TMEM74: variants seen among roughly 807,000 people sequenced by gnomAD.
The protein encoded by TMEM74 is transmembrane protein 74.
A neutral mutation model predicts 18.1 loss-of-function variants in TMEM74; 13 were observed. That is an observed-to-expected ratio of 0.72 (90% CI 0.47 to 1.14). TMEM74 has a LOEUF of 1.14. Ranked by LOEUF, TMEM74 falls within the 50% of genes most tolerant of loss-of-function variation. The pLI is 0.00. For missense variants in TMEM74, 372 were observed against 375.9 expected (o/e 0.99, Z 0.09); for synonymous variants, 159 against 146.6 (o/e 1.08, Z -0.61).
At chr8:108,704,681 A>T (rs774887059) in intron 1 of TMEM74, among the ~76,000 whole-genome samples, 2 of 152,226 alleles carry the variant, frequency 1.3e-5, no homozygotes, top group Non-Finnish European at 2.9e-5. Context: ...ATTGGAGAAG[A>T]CAGAAAAGTA....
At chr8:108,755,529 C>T (rs1333755470) in intron 1 of TMEM74, among the ~76,000 whole-genome samples, 2 of 152,080 alleles carry the variant, frequency 1.3e-5, no homozygotes, top group East Asian at 1.9e-4. Context: ...GGACATTTTA[C>T]GCTGTAAGAA....
In TMEM74 at chr8:108,637,965, C is replaced by A. The variant is rs146808051; in HGVS notation, n.264+17328G>T. Among the ~76,000 whole-genome samples the A allele has an allele frequency of 2.1e-3, 327 of 152,186 alleles. 1 individual carries two copies. The highest frequency in any genetic ancestry group is 7.6e-3 in the African/African-American group (315 of 41,558). Reference sequence around the variant, plus strand: ...TGGGAAGAAAATTTTTTGGTGTTCTCCTAACAGATAGGCTGATTGTGTGTT... The same window carrying A: ...TGGGAAGAAAATTTTTTGGTGTTCTACTAACAGATAGGCTGATTGTGTGTT... On this transcript the variant is annotated intron_variant and non_coding_transcript_variant, in intron 2 of 3. Transcript: ENST00000518838.
chr8:108,680,253 T>C (rs1813098693), intron 1 of TMEM74, among the ~76,000 whole-genome samples: 1 of 152,172 alleles, frequency 6.6e-6, no homozygotes, highest in African/African-American at 2.4e-5. Flanking sequence ...TGAACATTGA[T>C]GCAAAAATCC....
intron 1 of TMEM74, among the ~76,000 whole-genome samples, chr8:108,721,851 T>C (rs545953669): frequency 1.3e-5 from 2 of 152,344 alleles, no homozygotes; most frequent in South Asian, 4.1e-4. Flanking sequence ...TCTGCTTTTA[T>C]TTACCTTATA....
chr8:108,617,157 ATCATTGCGAAAAGAATT>A (rs1236800521), intron 2 of TMEM74, among the ~76,000 whole-genome samples: 1 of 151,914 alleles, frequency 6.6e-6, no homozygotes, highest in African/African-American at 2.4e-5. Context: ...ACTGAGGAGT[ATCATTGCGAAAAGAATT>A]TCATGCAAAC....
intron 1 of TMEM74, among the ~76,000 whole-genome samples, chr8:108,785,651 C>T (rs912936798): frequency 6.6e-6 from 1 of 152,158 alleles, no homozygotes; most frequent in Non-Finnish European, 1.5e-5. Context: ...TGGAGCATCA[C>T]CATCAGTGAA....
chr8:108,768,773 A>C (rs183230625), intron 1 of TMEM74, among the ~76,000 whole-genome samples: 83 of 152,246 alleles, frequency 5.5e-4, no homozygotes, highest in Middle Eastern at 6.8e-3. Flanking sequence ...TGTTTCCCTA[A>C]GGATCATGGA....
intron 2 of TMEM74, among the ~76,000 whole-genome samples, chr8:108,617,733 G>T (rs894638200): frequency 2.0e-5 from 3 of 151,928 alleles, no homozygotes; most frequent in African/African-American, 7.3e-5. Context: ...AGAGAAAGTG[G>T]GGGAATCAAG....
chr8:108,747,760 G>C (rs2130650572), intron 1 of TMEM74, among the ~76,000 whole-genome samples: 1 of 118,096 alleles, frequency 8.5e-6, no homozygotes, highest in African/African-American at 3.3e-5. Context: ...TTTCCCCCCT[G>C]TGTTCATGTG....
chr8:108,776,375 C>T (rs1814233943), downstream of TMEM74, among the ~76,000 whole-genome samples: 1 of 152,200 alleles, frequency 6.6e-6, no homozygotes, highest in African/African-American at 2.4e-5. Context: ...TGCCTGTAAT[C>T]CCAGCTACTG....
intron 1 of TMEM74, among the ~76,000 whole-genome samples, chr8:108,679,069 A>ACATG (rs1813085950): frequency 6.6e-6 from 1 of 152,104 alleles, no homozygotes; most frequent in Admixed American, 6.6e-5. Flanking sequence ...CCTACAAAGG[A>ACATG]CATGAACTCT....
chr8:108,701,498 G>T (rs149969050), intron 1 of TMEM74, among the ~76,000 whole-genome samples: 1 of 152,150 alleles, frequency 6.6e-6, no homozygotes, highest in East Asian at 1.9e-4. Context: ...AACAAAATCT[G>T]ATTTAACAAA....
intron 2 of TMEM74, among the ~76,000 whole-genome samples, chr8:108,644,882 C>T (rs1812701924): frequency 6.6e-6 from 1 of 152,054 alleles, no homozygotes; most frequent in Non-Finnish European, 1.5e-5. Context: ...GAAAAAAGGG[C>T]ATGCTTACAT....
rs182377404 is a variant in TMEM74 at position 108,766,208 on chromosome 8, C to T, written n.119+21268G>A. ...TTGGGGGTTATTTCTCCTTTCCTTCCTTCCTTCCTTCCTTCCTTTCTTCTT... is the reference window on the plus strand; with the variant it reads ...TTGGGGGTTATTTCTCCTTTCCTTCTTTCCTTCCTTCCTTCCTTTCTTCTT... On this transcript the variant is annotated intron_variant and non_coding_transcript_variant, in intron 1 of 3. Transcript: ENST00000518838. 3.3e-5 allele frequency among the ~76,000 whole-genome samples: 5 copies of T among 151,522 alleles called. No homozygotes were observed. The East Asian group carries it at 9.7e-4, about 29-fold the overall frequency.
intron 1 of TMEM74, among the ~76,000 whole-genome samples, chr8:108,758,192 C>A (rs534589216): frequency 1.3e-5 from 2 of 151,524 alleles, no homozygotes; most frequent in Admixed American, 1.3e-4. Flanking sequence ...TAAATAAAAC[C>A]ACAAAATAAA....
In TMEM74 at chr8:108,706,776, G is replaced by GGTGTGTGTGTGTGT. The variant is rs3049749; in HGVS notation, n.120-51353_120-51340dup. ...AACATTAGCTTCTAGAATTACAAGG[G>GGTGTGTGTGTGTGT]GTGTGTGTGTGTGTGTGTGTGTGTG... On this transcript the variant is annotated intron_variant and non_coding_transcript_variant, in intron 1 of 3. Transcript: ENST00000518838. Among the ~76,000 whole-genome samples, 1,272 of 144,942 alleles carry GGTGTGTGTGTGTGT rather than the reference G, an allele frequency of 8.8e-3. 7 individuals are homozygous for GGTGTGTGTGTGTGT. Among genetic ancestry groups the GGTGTGTGTGTGTGT allele is most frequent in the East Asian group, 0.014 (70 of 4,832 alleles).
intron 1 of TMEM74, 136 bp downstream of exon 1, chr8:108,787,340 C>G (rs1315796143): frequency 6.6e-6 from 1 of 152,160 alleles, no homozygotes; most frequent in Non-Finnish European, 1.5e-5. Context: ...CTGAGGCATT[C>G]GAGGTACGGA....
intron 1 of TMEM74, among the ~76,000 whole-genome samples, chr8:108,656,059 C>G (rs377739191): frequency 8.5e-5 from 13 of 152,244 alleles, no homozygotes; most frequent in African/African-American, 3.1e-4. Flanking sequence ...GCTCTTATTC[C>G]TCACTCCTCT....
chr8:108,724,897 G>C (rs1276475747), intron 1 of TMEM74, among the ~76,000 whole-genome samples: 1 of 152,142 alleles, frequency 6.6e-6, no homozygotes. Flanking sequence ...TAATTTACCT[G>C]CTTAGGACTC....
Sources: allele counts gnomAD v4.1 joint callset (sites outside exome capture counted in the v4.1 genomes callset), GRCh38; gene constraint gnomAD v4.1.1; transcripts MANE v1.5; gene names NCBI Gene and HGNC (gene_info 2026-07-23, HGNC 2026-07-21).